Variants in DNAH3 observed in about 807,000 individuals in gnomAD.
DNAH3 encodes dynein axonemal heavy chain 3.
DNAH3 carries 332 observed loss-of-function variants against 432.5 expected under a neutral mutation model. The ratio of observed to expected loss-of-function variants is 0.77; its 90% CI spans 0.70 to 0.84. DNAH3 has a LOEUF of 0.84. Ranked by LOEUF, DNAH3 falls within the 40% of genes least tolerant of loss-of-function variation. The pLI is 0.00. For missense variants in DNAH3, 4,861 were observed against 5,114.0 expected (o/e 0.95, Z 1.51); for synonymous variants, 1,956 against 1,900.2 (o/e 1.03, Z -0.76).
intron 20 of DNAH3, 77 bp downstream of exon 20, chr16:21,081,559 G>T: frequency 1.7e-6 from 2 of 1,205,482 alleles, no homozygotes; most frequent in Non-Finnish European, 2.4e-6. Flanking sequence ...AGCCCGATAT[G>T]GAGCCAATCA....
At chr16:21,117,893 C>T (rs1310197407) in intron 11 of DNAH3, among the ~76,000 whole-genome samples, 1 of 152,178 alleles carries the variant, frequency 6.6e-6, no homozygotes, top group Non-Finnish European at 1.5e-5. Flanking sequence ...GTTTTCCTCT[C>T]TAATGAAAAT....
At chr16:21,140,662 C>T (rs1252371441) in exon 5 of DNAH3, 6 of 1,614,074 alleles carry the variant, frequency 3.7e-6, no homozygotes, top group Non-Finnish European at 3.4e-6. Context: ...ATGTCTTTAC[C>T]TCCTTCTTCA....
chr16:20,947,176 T>C (rs767827371), intron 57 of DNAH3, among the ~76,000 whole-genome samples: 4 of 151,816 alleles, frequency 2.6e-5, no homozygotes, highest in Non-Finnish European at 5.9e-5. Flanking sequence ...TGCCCTATAC[T>C]CTGGGGAATG....
intron 50 of DNAH3, among the ~76,000 whole-genome samples, chr16:20,978,002 C>T (rs967817004): frequency 6.6e-6 from 1 of 152,198 alleles, no homozygotes; most frequent in Non-Finnish European, 1.5e-5. Flanking sequence ...TTGCTGTACA[C>T]AGAGCCAAGC....
At chr16:21,098,477 AC>A in intron 17 of DNAH3, 138 bp downstream of exon 17, 1 of 797,390 alleles carries the variant, frequency 1.3e-6, no homozygotes, top group Non-Finnish European at 1.9e-6. Flanking sequence ...AAAAGAAAGT[AC>A]CAATGAAAGA....
At chr16:20,937,931 C>T (rs910802486) in intron 59 of DNAH3, among the ~76,000 whole-genome samples, 4 of 152,096 alleles carry the variant, frequency 2.6e-5, no homozygotes, top group African/African-American at 7.2e-5. Context: ...CTTTATGTTA[C>T]GAGGCCCAGC....
chr16:20,976,584 A>T (rs2085600791), intron 50 of DNAH3, among the ~76,000 whole-genome samples: 1 of 152,256 alleles, frequency 6.6e-6, no homozygotes, highest in Admixed American at 6.5e-5. Flanking sequence ...TACTTTTTCC[A>T]ATAGTATTGT....
intron 51 of DNAH3, among the ~76,000 whole-genome samples, chr16:20,971,891 C>T (rs2085358489): frequency 6.6e-6 from 1 of 152,226 alleles, no homozygotes; most frequent in Non-Finnish European, 1.5e-5. Flanking sequence ...CGCTCTGGCA[C>T]AGGCTACAAA....
chr16:21,087,128 C>T (rs2091404188), intron 18 of DNAH3, 68 bp from the exon 19 acceptor site: 2 of 1,330,164 alleles, frequency 1.5e-6, no homozygotes, highest in Admixed American at 1.7e-5. Context: ...CCTTTAATTC[C>T]CTGAACTTAG....
chr16:21,074,199 A>G (rs2090895128), intron 21 of DNAH3, among the ~76,000 whole-genome samples: 1 of 152,178 alleles, frequency 6.6e-6, no homozygotes, highest in African/African-American at 2.4e-5. Flanking sequence ...TAAACTGAAT[A>G]GGGAAAGAAG....
intron 19 of DNAH3, among the ~76,000 whole-genome samples, chr16:21,082,398 C>T (rs778906961): frequency 6.6e-6 from 1 of 152,084 alleles, no homozygotes; most frequent in East Asian, 1.9e-4. Context: ...GATGGGGTCT[C>T]GCTATGTTTT....
At chr16:21,054,520 C>A in exon 28 of DNAH3, 3 of 1,614,006 alleles carry the variant, frequency 1.9e-6, no homozygotes, top group Non-Finnish European at 2.5e-6. Flanking sequence ...GATCATTGCT[C>A]TTTTTCAGAA....
chr16:21,046,035 A>C (rs1251419232), intron 31 of DNAH3, among the ~76,000 whole-genome samples: 3 of 151,928 alleles, frequency 2.0e-5, no homozygotes, highest in African/African-American at 7.3e-5. Context: ...CTGTGGTCTG[A>C]GAGATAGTTT....
At chr16:20,965,180 C>A in exon 53 of DNAH3, 1 of 1,614,058 alleles carries the variant, frequency 6.2e-7, no homozygotes, top group South Asian at 1.1e-5. Flanking sequence ...CGTTTGGGAG[C>A]CACCACCTTG....
intron 41 of DNAH3, among the ~76,000 whole-genome samples, chr16:21,008,574 C>A (rs1448695397): frequency 6.6e-6 from 1 of 151,962 alleles, no homozygotes; most frequent in East Asian, 1.9e-4. Flanking sequence ...CAAAACCTGG[C>A]GTTTTTTCCC....
intron 52 of DNAH3, among the ~76,000 whole-genome samples, chr16:20,967,667 A>G (rs1405974254): frequency 1.4e-5 from 2 of 145,812 alleles, no homozygotes; most frequent in East Asian, 4.0e-4. Context: ...TGCCCAGCTA[A>G]TTTTTTTTTT....
chr16:21,030,836 A>G (rs2088832871), intron 37 of DNAH3, among the ~76,000 whole-genome samples: 1 of 152,202 alleles, frequency 6.6e-6, no homozygotes. Flanking sequence ...CGTGGTCTCT[A>G]AACATGCTTA....
At chr16:20,934,992 C>T (rs1314595053) in intron 61 of DNAH3, among the ~76,000 whole-genome samples, 1 of 152,088 alleles carries the variant, frequency 6.6e-6, no homozygotes, top group Admixed American at 6.6e-5. Context: ...GACTGTTGGC[C>T]ATGCTTTTAA....
intron 49 of DNAH3, among the ~76,000 whole-genome samples, chr16:20,979,936 G>C (rs369523452): frequency 6.6e-6 from 1 of 151,126 alleles, no homozygotes; most frequent in Non-Finnish European, 1.5e-5. Flanking sequence ...TTTCAGTAGA[G>C]GCAGAGTTTC....
Sources: allele counts gnomAD v4.1 joint callset (sites outside exome capture counted in the v4.1 genomes callset), GRCh38; gene constraint gnomAD v4.1.1; transcripts MANE v1.5; gene names NCBI Gene and HGNC (gene_info 2026-07-23, HGNC 2026-07-21).